Variants in RGSL1 observed in about 807,000 individuals in gnomAD.
RGSL1 encodes the protein regulator of G protein signaling like 1.
In RGSL1, 97 loss-of-function variants were observed where a neutral mutation model predicts 124.7. That is an observed-to-expected ratio of 0.78 (90% CI 0.66 to 0.92). RGSL1 has a LOEUF of 0.92. Ranked by LOEUF, RGSL1 falls within the 40% of genes least tolerant of loss-of-function variation. The pLI is 0.00. For synonymous variants in RGSL1, 424 were observed against 438.1 expected, an observed-to-expected ratio of 0.97 and a Z score of 0.40; for missense variants, 1,233 against 1,288.4, an observed-to-expected ratio of 0.96 and a Z score of 0.66.
intron 15 of RGSL1, among the ~76,000 whole-genome samples, chr1:182,545,525 T>C (rs74368972): frequency 0.02 from 2,976 of 152,274 alleles, 45 homozygotes; most frequent in Middle Eastern, 0.034. Context: ...GGCTTCCTTC[T>C]TGCGTGTTAG....
In RGSL1 at chr1:182,548,369, A is replaced by G; in HGVS notation, c.2722A>G (p.Asn908Asp). 6.4e-7 allele frequency: 1 copy of G among 1,551,990 alleles called. No homozygotes were observed. Among genetic ancestry groups the G allele is most frequent in the Non-Finnish European group, 8.7e-7 (1 of 1,147,048 alleles). The change falls in exon 16 of 22, where the codon AAT (asparagine) becomes GAT (aspartate). Residue 908 changes from asparagine to aspartate, a missense_variant. Coordinates refer to ENST00000294854, the MANE Select transcript of RGSL1 (RefSeq NM_001137669.2). Reference sequence around the variant, plus strand: ...CATGCTGCAGGTCAACCGGGCATATAATGAGAATGATGTGATCCTAATGCG... The same window carrying G: ...CATGCTGCAGGTCAACCGGGCATATGATGAGAATGATGTGATCCTAATGCG... ...AHMLQVNRAY[N>D]ENDVILMRSK...
rs1449324644 is a variant in RGSL1 at position 182,493,093 on chromosome 1, G to C, written c.1789G>C (p.Asp597His). The part of the protein sequence containing the change: ...PKMAIQKISD[D>H]YKIYCEKAPK... The stretch of plus-strand genomic sequence containing the variant: ...GATGGCCATACAGAAGATCAGTGAT[G>C]ACTACAAAATATACTGTGAGAAAGC... Residue 597 changes from aspartate (D) to histidine (H), a missense_variant, in exon 9 of 22, where the codon GAC becomes CAC. Physicochemically the swap from Asp to His is moderately conservative, Grantham distance 81 (BLOSUM62 -1). Coordinates refer to ENST00000294854, the MANE Select transcript of RGSL1 (RefSeq NM_001137669.2). 6.4e-7 allele frequency: 1 copy of C among 1,551,486 alleles called. No individual in the cohort carries two copies. The highest frequency in any genetic ancestry group is 8.7e-7 in the Non-Finnish European group (1 of 1,146,886).
chr1:182,507,419 A>G (rs1656899468), intron 9 of RGSL1, among the ~76,000 whole-genome samples: 1 of 152,122 alleles, frequency 6.6e-6, no homozygotes. Context: ...ACCACCAATC[A>G]TACTCCTTGT....
At position 182,496,247 on chromosome 1, in the gene RGSL1, A is replaced by G. The variant is rs1297837767; in HGVS notation, c.1825+3118A>G. Among the ~76,000 whole-genome samples, 2 of 152,186 alleles carry G rather than the reference A, an allele frequency of 1.3e-5. 1 individual carries two copies. Among genetic ancestry groups the G allele is most frequent in the East Asian group, 3.9e-4 (2 of 5,192 alleles). ...AGAACTCACTCATGATGGTGAGGAC[A>G]GTACCAAGGGGATGGTGATAATCCA... is the stretch of plus-strand genomic sequence containing the variant. On this transcript the variant is annotated intron_variant, in intron 9 of 21. Coordinates refer to ENST00000294854, the MANE Select transcript of RGSL1 (RefSeq NM_001137669.2).
intron 4 of RGSL1, among the ~76,000 whole-genome samples, chr1:182,463,609 T>C (rs1035805357): frequency 6.6e-6 from 1 of 152,194 alleles, no homozygotes; most frequent in African/African-American, 2.4e-5. Context: ...AAAAAAAGTT[T>C]ACAAGAGACA....
intron 18 of RGSL1, 119 bp from the exon 19 acceptor site, chr1:182,553,336 A>C: frequency 1.4e-6 from 1 of 715,744 alleles, no homozygotes; most frequent in Non-Finnish European, 2.4e-6. Flanking sequence ...ATAATGTTTT[A>C]TCATTAACAT....
chr1:182,451,482 G>A (rs1287876946), intron 1 of RGSL1, among the ~76,000 whole-genome samples: 2 of 115,316 alleles, frequency 1.7e-5, no homozygotes, highest in African/African-American at 2.7e-5. Flanking sequence ...TGAGCTGACT[G>A]TGCTTAAGAA....
intron 9 of RGSL1, among the ~76,000 whole-genome samples, chr1:182,517,286 T>TA (rs1275188992): frequency 3.3e-5 from 5 of 151,464 alleles, no homozygotes; most frequent in Admixed American, 1.3e-4. Context: ...ATTTCTGTTT[T>TA]TTTTTTTGTA....
chr1:182,527,475 A>G, intron 10 of RGSL1, 104 bp from the exon 11 acceptor site: 2 of 908,270 alleles, frequency 2.2e-6, no homozygotes, highest in Middle Eastern at 4.5e-4. Context: ...CATATGGCTA[A>G]AGGCCTTATA....
chr1:182,485,349 C>T (rs1243614864), intron 6 of RGSL1, among the ~76,000 whole-genome samples: 3 of 152,046 alleles, frequency 2.0e-5, no homozygotes, highest in Non-Finnish European at 1.5e-5. Context: ...GTTATTTTAA[C>T]TTTTATTAGA....
chr1:182,501,342 CAG>C (rs1462142512), intron 9 of RGSL1, among the ~76,000 whole-genome samples: 1 of 59,508 alleles, frequency 1.7e-5, no homozygotes, highest in African/African-American at 6.5e-5. Flanking sequence ...TTTTTTGAGA[CAG>C]AGTCTTGCTC....
chr1:182,530,435 G>A (rs1659084197), intron 12 of RGSL1, 74 bp downstream of exon 12: 2 of 1,164,604 alleles, frequency 1.7e-6, no homozygotes, highest in South Asian at 1.4e-5. Context: ...ATGCATCAAG[G>A]GTTTCCTAAT....
chr1:182,501,366 C>G (rs1656373204), intron 9 of RGSL1, among the ~76,000 whole-genome samples: 2 of 111,216 alleles, frequency 1.8e-5, no homozygotes, highest in South Asian at 3.2e-4. Flanking sequence ...GTCGCCCAGG[C>G]TGGAGTGCAG....
intron 14 of RGSL1, among the ~76,000 whole-genome samples, chr1:182,539,888 A>G (rs552434320): frequency 1.6e-3 from 246 of 152,182 alleles, no homozygotes; most frequent in Non-Finnish European, 2.9e-3. Context: ...ACTTCCTGAT[A>G]AAACTTGAGT....
intron 21 of RGSL1, among the ~76,000 whole-genome samples, chr1:182,558,628 T>A (rs1195033135): frequency 6.6e-6 from 1 of 152,122 alleles, no homozygotes; most frequent in Non-Finnish European, 1.5e-5. Context: ...TGAGAGCCGT[T>A]CCCAGTTTCT....
chr1:182,500,641 A>G (rs559256971), intron 9 of RGSL1, among the ~76,000 whole-genome samples: 1 of 152,156 alleles, frequency 6.6e-6, no homozygotes, highest in Non-Finnish European at 1.5e-5. Context: ...CACAGGATAT[A>G]TTTTTCTTTA....
intron 1 of RGSL1, 149 bp from the exon 2 acceptor site, chr1:182,453,809 G>C (rs1331270955): frequency 1.7e-6 from 1 of 594,182 alleles, no homozygotes; most frequent in Admixed American, 2.9e-5. Context: ...TCCTGGAGAA[G>C]GACATGCAAA....
intron 6 of RGSL1, among the ~76,000 whole-genome samples, chr1:182,476,774 G>A (rs1243877599): frequency 6.6e-6 from 1 of 152,010 alleles, no homozygotes; most frequent in African/African-American, 2.4e-5. Flanking sequence ...CTCCTCTCTG[G>A]CTTCATCTAC....
rs1296309280 is a variant in RGSL1, at chr1:182,460,036, G to C, written c.204G>C (p.Leu68Phe). ...IAKYKGLLTWLEKCRLPFFCK... is the reference protein window; with the variant it reads ...IAKYKGLLTWFEKCRLPFFCK... The stretch of plus-strand genomic sequence containing the variant: ...AATACAAAGGGTTATTGACCTGGTT[G>C]GAAAAATGCCGATTACCTTTCTTCT... The change falls in exon 4 of 22, where the codon TTG (leucine) becomes TTC (phenylalanine). Residue 68 changes from leucine to phenylalanine, a missense_variant. By Grantham distance (22) the Leu-to-Phe change is conservative. Transcript: ENST00000294854. The C allele has an allele frequency of 1.9e-6, 3 of 1,551,474 alleles. No homozygotes were observed. The highest frequency in any genetic ancestry group is 2.6e-6 in the Non-Finnish European group (3 of 1,146,958).
Sources: allele counts gnomAD v4.1 joint callset (sites outside exome capture counted in the v4.1 genomes callset), GRCh38; gene constraint gnomAD v4.1.1; transcripts MANE v1.5; gene names NCBI Gene and HGNC (gene_info 2026-07-23, HGNC 2026-07-21).